The following PCDHA5 variants were observed in gnomAD, a reference collection of about 807,000 sequenced individuals.
PCDHA5 encodes the protein protocadherin alpha 5.
PCDHA5 carries 43 observed loss-of-function variants against 61.6 expected under a neutral mutation model. The ratio of observed to expected loss-of-function variants is 0.70; its 90% CI spans 0.55 to 0.90. PCDHA5 has a LOEUF of 0.90. PCDHA5 is among the 40% of genes least tolerant of loss of function. PCDHA5 has a pLI of 0.00. For synonymous variants in PCDHA5, 627 were observed against 543.9 expected (o/e 1.15, Z -2.13); for missense variants, 1,298 against 1,222.7 (o/e 1.06, Z -0.92).
intron 1 of PCDHA5, among the ~76,000 whole-genome samples, chr5:140,944,043 T>C (rs2093600641): frequency 6.6e-6 from 1 of 152,080 alleles, no homozygotes; most frequent in African/African-American, 2.4e-5. Flanking sequence ...GAAAACCAGA[T>C]TGGGATACAA....
chr5:140,923,951 G>A (rs763582377), intron 1 of PCDHA5, among the ~76,000 whole-genome samples: 4 of 151,984 alleles, frequency 2.6e-5, no homozygotes, highest in Non-Finnish European at 2.9e-5. Context: ...TTTTCCTCAC[G>A]CCCTAATCTA....
At chr5:140,844,736 G>C (rs1001272539) in intron 1 of PCDHA5, among the ~76,000 whole-genome samples, 3 of 149,298 alleles carry the variant, frequency 2.0e-5, no homozygotes, top group Non-Finnish European at 4.5e-5. Context: ...AAAATATTTA[G>C]TATTATGGGA....
At position 140,878,940 on chromosome 5, in the gene PCDHA5, A is replaced by G. The variant is rs554609702; in HGVS notation, c.2352+54813A>G. ...CTTCAATCAATAATTTTAAATAAATATATGGTATTGAAATGTATTACCTGG... is the reference window on the plus strand; with the variant it reads ...CTTCAATCAATAATTTTAAATAAATGTATGGTATTGAAATGTATTACCTGG... On this transcript the variant is annotated intron_variant, in intron 1 of 3. Transcript: ENST00000529859. 9.8e-5 allele frequency among the ~76,000 whole-genome samples: 15 copies of G among 152,366 alleles called. No individual in the cohort carries two copies. In the East Asian group the frequency reaches 2.3e-3, roughly 23 times the overall value.
chr5:140,966,586 TG>T (rs1297938804), intron 1 of PCDHA5: 39 of 548,908 alleles, frequency 7.1e-5, no homozygotes, highest in Non-Finnish European at 1.1e-4. Flanking sequence ...GCGAGGACGG[TG>T]GGGCCAGGAG....
At chr5:140,880,233 T>C (rs1040125802) in intron 1 of PCDHA5, among the ~76,000 whole-genome samples, 1 of 152,046 alleles carries the variant, frequency 6.6e-6, no homozygotes, top group African/African-American at 2.4e-5. Context: ...TTTAAATTAG[T>C]GTATGTGCGT....
At chr5:140,937,284 G>A (rs1473374286) in intron 1 of PCDHA5, among the ~76,000 whole-genome samples, 2 of 151,964 alleles carry the variant, frequency 1.3e-5, no homozygotes, top group South Asian at 2.1e-4. Context: ...TGATTCACCC[G>A]CTTCGGCCTC....
At chr5:140,869,227 G>C (rs782048898) in intron 1 of PCDHA5, 1 of 1,613,788 alleles carries the variant, frequency 6.2e-7, no homozygotes, top group South Asian at 1.1e-5. Context: ...GGCCAAACAC[G>C]GCACCTTCGT....
rs1581152641 is a variant in PCDHA5, at chr5:140,848,515, G to A, written c.2352+24388G>A. ...TTTGAAATGTTATACTCAAGTCGAG[G>A]AGATCCAGAGGGTCAGCCTCTACTG... On this transcript the variant is annotated intron_variant, in intron 1 of 3. Coordinates refer to ENST00000529859, the MANE Select transcript of PCDHA5 (RefSeq NM_018908.3). The A allele has an allele frequency of 1.9e-6, 3 of 1,590,864 alleles. No individual in the cohort carries two copies. In the African/African-American group the frequency reaches 4.0e-5, roughly 21 times the overall value.
Position 140,838,640 on chromosome 5 carries a change from A to G in PCDHA5, c.2352+14513A>G, listed in dbSNP as rs1775814503. On this transcript the variant is annotated intron_variant, in intron 1 of 3. Coordinates refer to ENST00000529859, the MANE Select transcript of PCDHA5 (RefSeq NM_018908.3). ...TTTTTACAAATAATTTGGTTGGTCAAAAAAATGATAGTTAACGGGGCATGG... is the reference window on the plus strand; with the variant it reads ...TTTTTACAAATAATTTGGTTGGTCAGAAAAATGATAGTTAACGGGGCATGG... Among the ~76,000 whole-genome samples, 5 of 152,166 alleles carry G rather than the reference A, an allele frequency of 3.3e-5. 1 individual carries two copies. In the South Asian group the frequency reaches 8.3e-4, roughly 25 times the overall value.
chr5:140,960,875 A>G (rs2095577090), intron 1 of PCDHA5, among the ~76,000 whole-genome samples: 1 of 152,220 alleles, frequency 6.6e-6, no homozygotes, highest in African/African-American at 2.4e-5. Context: ...TAGCTGAAAT[A>G]CACACTAATG....
intron 1 of PCDHA5, among the ~76,000 whole-genome samples, chr5:140,964,550 C>T (rs13359943): frequency 0.012 from 1,826 of 152,168 alleles, 28 homozygotes; most frequent in African/African-American, 0.042. Flanking sequence ...ATGGCAGCGA[C>T]TTGGAGGGCT....
chr5:140,857,301 C>T (rs2044489449), intron 1 of PCDHA5: 2 of 1,598,676 alleles, frequency 1.3e-6, no homozygotes, highest in Non-Finnish European at 8.6e-7. Context: ...GAGAGGGTGT[C>T]GGCCTATGAG....
chr5:140,928,557 C>G lies in PCDHA5; in HGVS notation c.2353-50392C>G, dbSNP rs556688707. 7 of 1,614,238 alleles carry G rather than the reference C, an allele frequency of 4.3e-6. 1 individual carries two copies. The East Asian group carries it at 1.6e-4, about 36-fold the overall frequency. On this transcript the variant is annotated intron_variant, in intron 1 of 3. Coordinates refer to ENST00000529859, the MANE Select transcript of PCDHA5 (RefSeq NM_018908.3). ...ATAGGAATGACAATTATCCGGTTAT[C>G]TTGTTTCCCTTGCCCAGAAATGGTT...
At chr5:140,846,652 G>T (rs910062577) in intron 1 of PCDHA5, among the ~76,000 whole-genome samples, 4 of 149,138 alleles carry the variant, frequency 2.7e-5, no homozygotes, top group African/African-American at 9.8e-5. Context: ...GGGATTACAG[G>T]CATGAGCCAC....
chr5:140,870,078 G>C (rs2051638531), intron 1 of PCDHA5: 1 of 1,613,720 alleles, frequency 6.2e-7, no homozygotes, highest in African/African-American at 1.3e-5. Flanking sequence ...CAGATAAGGG[G>C]ACTCCCCCAA....
At chr5:140,967,279 T>A in intron 1 of PCDHA5, 1 of 1,613,002 alleles carries the variant, frequency 6.2e-7, no homozygotes, top group Non-Finnish European at 8.5e-7. Context: ...ACATAGAGAG[T>A]GCGCAGGACC....
intron 1 of PCDHA5, among the ~76,000 whole-genome samples, chr5:140,974,767 T>C (rs559758887): frequency 1.2e-4 from 18 of 152,098 alleles, no homozygotes; most frequent in Non-Finnish European, 2.4e-4. Flanking sequence ...GGATTACAGG[T>C]ATGAGCCACT....
At chr5:140,901,278 A>AT (rs1554189713) in intron 1 of PCDHA5, among the ~76,000 whole-genome samples, 2 of 152,102 alleles carry the variant, frequency 1.3e-5, no homozygotes, top group Non-Finnish European at 2.9e-5. Context: ...TACTCAAGAA[A>AT]TTTTTGCCCA....
At chr5:140,838,268 C>T (rs1775630088) in intron 1 of PCDHA5, among the ~76,000 whole-genome samples, 2 of 138,020 alleles carry the variant, frequency 1.4e-5, no homozygotes, top group Admixed American at 7.6e-5. Context: ...CGCCAACAAC[C>T]AAGCCATGCT....
Sources: allele counts gnomAD v4.1 joint callset (sites outside exome capture counted in the v4.1 genomes callset), GRCh38; gene constraint gnomAD v4.1.1; transcripts MANE v1.5; gene names NCBI Gene and HGNC (gene_info 2026-07-23, HGNC 2026-07-21).